The following SMCHD1 variants were observed in gnomAD, a reference collection of about 807,000 sequenced individuals.
SMCHD1 encodes structural maintenance of chromosomes flexible hinge domain-containing protein 1.
In SMCHD1, 78 loss-of-function variants were observed where a neutral mutation model predicts 254.7. The ratio of observed to expected loss-of-function variants is 0.31; its 90% CI spans 0.26 to 0.37. The LOEUF (loss-of-function observed/expected upper bound fraction) is 0.37. Ranked by LOEUF, SMCHD1 falls within the 10% of genes least tolerant of loss-of-function variation. SMCHD1 has a pLI of 1.00. For synonymous variants in SMCHD1, 766 were observed against 794.9 expected (o/e 0.96, Z 0.61); for missense variants, 1,840 against 2,408.1 (o/e 0.76, Z 4.94).
Position 2,672,606 on chromosome 18 carries a change from C to T in SMCHD1, c.425-675C>T, listed in dbSNP as rs114830143. ...TAAGATACGTAAATTTGATATGTTCCCTTTCTTTTTACTAAAGGGATAAAA... is the reference window on the plus strand; with the variant it reads ...TAAGATACGTAAATTTGATATGTTCTCTTTCTTTTTACTAAAGGGATAAAA... On this transcript the variant is annotated intron_variant, in intron 3 of 47. Coordinates refer to ENST00000320876, the MANE Select transcript of SMCHD1 (RefSeq NM_015295.3). 1.0e-2 allele frequency among the ~76,000 whole-genome samples: 1,519 copies of T among 152,268 alleles called. 22 individuals carry two copies. The highest frequency in any genetic ancestry group is 0.031 in the African/African-American group (1,287 of 41,552).
At chr18:2,750,178 G>C (rs1480441395) in intron 31 of SMCHD1, 56 bp downstream of exon 31, 1 of 1,505,442 alleles carries the variant, frequency 6.6e-7, no homozygotes, top group Non-Finnish European at 9.0e-7. Flanking sequence ...TTTTCTTACT[G>C]CTTGCCGAAG....
At chr18:2,787,001 T>A (rs1000691940) in intron 45 of SMCHD1, among the ~76,000 whole-genome samples, 1 of 152,222 alleles carries the variant, frequency 6.6e-6, no homozygotes, top group Admixed American at 6.5e-5. Flanking sequence ...TGTTTTGTGT[T>A]GTTATAAAGG....
chr18:2,748,310 G>C (rs2075496746), intron 30 of SMCHD1, among the ~76,000 whole-genome samples: 1 of 149,734 alleles, frequency 6.7e-6, no homozygotes, highest in Admixed American at 6.7e-5. Context: ...TCCTTCTAGG[G>C]GAAAGAGGAA....
At chr18:2,789,513 G>GA (rs2076286884) in intron 45 of SMCHD1, among the ~76,000 whole-genome samples, 1 of 4,192 alleles carries the variant, frequency 2.4e-4, no homozygotes, top group Non-Finnish European at 4.6e-3. Context: ...TGAGAGAGTA[G>GA]ACCTGTTTTT....
intron 45 of SMCHD1, among the ~76,000 whole-genome samples, chr18:2,792,450 T>C (rs1373905883): frequency 6.6e-6 from 1 of 152,222 alleles, no homozygotes; most frequent in African/African-American, 2.4e-5. Flanking sequence ...AATAACCTAA[T>C]GAAACATTGC....
At chr18:2,734,765 C>A (rs1461662288) in intron 25 of SMCHD1, among the ~76,000 whole-genome samples, 1 of 151,510 alleles carries the variant, frequency 6.6e-6, no homozygotes, top group Non-Finnish European at 1.5e-5. Context: ...TAGTGATTTT[C>A]ATTAAAAAGT....
chr18:2,767,764 T>C (rs1293918259), intron 37 of SMCHD1, among the ~76,000 whole-genome samples: 1 of 150,052 alleles, frequency 6.7e-6, no homozygotes, highest in African/African-American at 2.4e-5. Context: ...CTGATTTTTG[T>C]TTTTTCAGTA....
At chr18:2,707,966 A>T (rs926222156) in intron 17 of SMCHD1, 46 bp downstream of exon 17, 1 of 1,118,370 alleles carries the variant, frequency 8.9e-7, no homozygotes, top group Non-Finnish European at 1.2e-6. Flanking sequence ...TTTTTAAAAT[A>T]TAATATCAAA....
chr18:2,741,152 A>C (rs1010791740), intron 28 of SMCHD1, among the ~76,000 whole-genome samples: 4 of 152,198 alleles, frequency 2.6e-5, no homozygotes, highest in Non-Finnish European at 5.9e-5. Context: ...TGTTTAAATA[A>C]AATTTCTTGA....
In SMCHD1 at chr18:2,729,404, A is replaced by G. The variant is rs560787848; in HGVS notation, c.3043A>G (p.Ile1015Val). The G allele has an allele frequency of 6.6e-7, 1 of 1,522,554 alleles. No homozygotes were observed. The highest frequency in any genetic ancestry group is 2.4e-5 in the East Asian group (1 of 41,248). 94.3% of individuals were successfully genotyped at this position (1,522,554 alleles called of 1,614,324 possible). A position where few individuals can be genotyped will look rare whatever the true frequency, so the allele number is the denominator to read the frequency against. Reference sequence around the variant, plus strand: ...CCAGACGCTTAAAGCAAGAATTGAAATACCTGTAAGTTATTATTGTTACTC... The same window carrying G: ...CCAGACGCTTAAAGCAAGAATTGAAGTACCTGTAAGTTATTATTGTTACTC... ...KDQTLKARIE[I>V]PSCKDVAPVE... Residue 1015 changes from isoleucine to valine, a missense_variant, in exon 24 of 48, where the codon ATA becomes GTA. Physicochemically the swap from Ile to Val is conservative, Grantham distance 29 (BLOSUM62 3). Transcript: ENST00000320876.
intron 3 of SMCHD1, among the ~76,000 whole-genome samples, chr18:2,672,561 G>A (rs1476386036): frequency 6.6e-6 from 1 of 152,182 alleles, no homozygotes; most frequent in Non-Finnish European, 1.5e-5. Flanking sequence ...AGCTTTTGTG[G>A]GGTTAAGCTT....
chr18:2,798,268 T>C (rs1445740941), intron 47 of SMCHD1, among the ~76,000 whole-genome samples: 1 of 152,204 alleles, frequency 6.6e-6, no homozygotes, highest in African/African-American at 2.4e-5. Context: ...TTCATTGATA[T>C]CTCTTGAGTA....
chr18:2,656,117 G>A lies in SMCHD1; in HGVS notation c.42G>A (p.Val14=). 6.8e-7 allele frequency: 1 copy of A among 1,463,626 alleles called. No homozygotes were observed. Among genetic ancestry groups the A allele is most frequent in the Non-Finnish European group, 9.0e-7 (1 of 1,108,214 alleles). 90.7% of individuals were successfully genotyped at this position (1,463,626 alleles called of 1,614,324 possible). ...ADGGGPGGAS[V]GTEEDGGGVG... is the part of the protein sequence containing the mutation. Reference sequence around the variant, plus strand: ...GCGGCGGGCCTGGTGGGGCCTCTGTGGGGACTGAGGAGGATGGCGGAGGCG... The same window carrying A: ...GCGGCGGGCCTGGTGGGGCCTCTGTAGGGACTGAGGAGGATGGCGGAGGCG... Residue 14 remains valine, a synonymous_variant, in exon 1 of 48, where the codon GTG becomes GTA. Coordinates refer to ENST00000320876, the MANE Select transcript of SMCHD1 (RefSeq NM_015295.3).
At chr18:2,721,542 C>A (rs1300056500) in intron 19 of SMCHD1, among the ~76,000 whole-genome samples, 1 of 151,822 alleles carries the variant, frequency 6.6e-6, no homozygotes, top group Non-Finnish European at 1.5e-5. Flanking sequence ...TATTAGAAAC[C>A]GTAGTGCTTT....
chr18:2,717,862 G>T (rs534894183), intron 17 of SMCHD1, among the ~76,000 whole-genome samples: 1 of 151,912 alleles, frequency 6.6e-6, no homozygotes, highest in Non-Finnish European at 1.5e-5. Context: ...AATAAATAAG[G>T]AATTTTTTGG....
intron 12 of SMCHD1, among the ~76,000 whole-genome samples, chr18:2,702,747 AAGAT>A (rs1382436531): frequency 1.3e-5 from 2 of 152,210 alleles, no homozygotes; most frequent in African/African-American, 4.8e-5. Flanking sequence ...ATTAATAACT[AAGAT>A]AGTATCCTTC....
At chr18:2,683,539 T>A (rs941421119) in intron 5 of SMCHD1, among the ~76,000 whole-genome samples, 20 of 152,236 alleles carry the variant, frequency 1.3e-4, no homozygotes, top group Non-Finnish European at 1.0e-4. Flanking sequence ...ATCCAGGATG[T>A]TATCTATCTA....
At chr18:2,680,267 T>C (rs764594686) in intron 5 of SMCHD1, among the ~76,000 whole-genome samples, 1 of 152,122 alleles carries the variant, frequency 6.6e-6, no homozygotes, top group Admixed American at 6.6e-5. Flanking sequence ...CTGGTCATAT[T>C]ATAATAATAT....
chr18:2,721,086 T>C (rs1163400928), intron 19 of SMCHD1, among the ~76,000 whole-genome samples: 1 of 152,216 alleles, frequency 6.6e-6, no homozygotes, highest in Non-Finnish European at 1.5e-5. Flanking sequence ...GCCAACCTTC[T>C]TGTTTTATTT....
Sources: gnomAD v4.1 joint callset for allele counts (sites outside exome capture counted in the v4.1 genomes callset) on GRCh38, gnomAD v4.1.1 for gene constraint, MANE v1.5 for transcripts, NCBI Gene and HGNC (gene_info 2026-07-23, HGNC 2026-07-21) for gene names.